The following HYOU1 variants were observed in gnomAD, a reference collection of about 807,000 sequenced individuals.
The protein encoded by HYOU1 is hypoxia up-regulated protein 1.
In HYOU1, 40 loss-of-function variants were observed where a neutral mutation model predicts 120.5. The ratio of observed to expected loss-of-function variants is 0.33; its 90% CI spans 0.26 to 0.43. The LOEUF is 0.43. HYOU1 is among the 20% of genes least tolerant of loss of function. The probability of loss-of-function intolerance (pLI) is 1.00; values close to 1 mark genes in which losing one functional copy is unlikely to be tolerated. For synonymous variants in HYOU1, 501 were observed against 479.4 expected (o/e 1.05, Z -0.59); for missense variants, 1,085 against 1,278.3 (o/e 0.85, Z 2.31).
Position 119,045,279 on chromosome 11 carries a change from G to C in HYOU1, c.*314C>G. 1.9e-6 allele frequency: 1 copy of C among 531,562 alleles called. No individual in the cohort carries two copies. Among genetic ancestry groups the C allele is most frequent in the South Asian group, 1.6e-5 (1 of 63,544 alleles). The allele number at this position is 531,562 out of a possible 1,614,324, so 32.9% of individuals were successfully genotyped here. ...CACCGGGACCCATCAGCCACTGGCA[G>C]CCATTCTCTTCCTACCCACAGGCAA... On this transcript the variant is annotated 3_prime_UTR_variant, in exon 26 of 26. Transcript: ENST00000617285.
In HYOU1 at chr11:119,048,109, T is replaced by G. The variant is rs1592136237; in HGVS notation, c.2377-29A>C. 1 of 1,613,400 alleles carries G rather than the reference T, an allele frequency of 6.2e-7. No homozygotes were observed. On this transcript the variant is annotated intron_variant, in intron 20 of 25. Transcript: ENST00000617285. The surrounding 1 kb of genome is among the most constrained non-coding windows in gnomAD (Gnocchi z 4.7). ...ATGGATGTGCGATTGGGCAGAGGGG[T>G]GGAAGGGACGACAGCAGAGCCTGGA...
Position 119,054,473 on chromosome 11 carries a change from G to C in HYOU1, c.678+21C>G, listed in dbSNP as rs2133605097. 5.0e-6 allele frequency: 8 copies of C among 1,612,414 alleles called. No homozygotes were observed. In the African/African-American group the frequency reaches 5.3e-5, roughly 11 times the overall value. ...TAGATTCAGTCACCCTGCATGTCTG[G>C]TCAAGGCTCCCCTGGCTCACCTGGG... On this transcript the variant is annotated intron_variant, in intron 7 of 25. Transcript: ENST00000617285.
Position 119,049,734 on chromosome 11 carries a change from A to G in HYOU1, c.1726+43T>C, listed in dbSNP as rs2133575074. ...CCCTGTCCACCTCCCCAACCTTCACACAAGTATATTCTCTCCCATACACAC... is the reference window on the plus strand; with the variant it reads ...CCCTGTCCACCTCCCCAACCTTCACGCAAGTATATTCTCTCCCATACACAC... On this transcript the variant is annotated intron_variant, in intron 15 of 25. Coordinates refer to ENST00000617285, the MANE Select transcript of HYOU1 (RefSeq NM_006389.5). 2.2e-5 allele frequency: 35 copies of G among 1,609,750 alleles called. No individual in the cohort carries two copies. In the South Asian group the frequency reaches 2.5e-4, roughly 12 times the overall value.
In HYOU1 at chr11:119,051,067, G is replaced by A. The variant is rs1348711553; in HGVS notation, c.1633C>T (p.Leu545=). 5 of 1,614,122 alleles carry A rather than the reference G, an allele frequency of 3.1e-6. No individual in the cohort carries two copies. The highest frequency in any genetic ancestry group is 4.2e-6 in the Non-Finnish European group (5 of 1,180,056). ...ESKGIKAHFN[L]DESGVLSLDR... ...AGACTGAGCACGCCACTCTCATCCA[G>A]GTTGAAGTGAGCCTTGATGCCCTTG... The change falls in exon 14 of 26, where the codon CTG becomes TTG. Residue 545 remains leucine, a synonymous_variant. Transcript: ENST00000617285. This position sits in a 1 kb window ranked among gnomAD's most constrained non-coding sequence, Gnocchi z 4.2.
Position 119,049,064 on chromosome 11 carries a change from C to T in HYOU1, c.1946G>A (p.Gly649Glu), listed in dbSNP as rs2133569361. 1.2e-6 allele frequency: 2 copies of T among 1,614,210 alleles called. No homozygotes were observed. The highest frequency in any genetic ancestry group is 1.7e-6 in the Non-Finnish European group (2 of 1,180,028). Residue 649 changes from glycine to glutamate, a missense_variant, in exon 17 of 26, where the codon GGA becomes GAA. By Grantham distance (98) the Gly-to-Glu change is moderately conservative (BLOSUM62 -2). Coordinates refer to ENST00000617285, the MANE Select transcript of HYOU1 (RefSeq NM_006389.5). ...PEPKGDATPEGEKATEKENGD... is the reference protein window; with the variant it reads ...PEPKGDATPEEEKATEKENGD... Reference sequence around the variant, plus strand: ...ATTTTCTTTTTCTGTGGCCTTTTCTCCCTCAGGGGTTGCATCTCCCTTAGG... The same window carrying T: ...ATTTTCTTTTTCTGTGGCCTTTTCTTCCTCAGGGGTTGCATCTCCCTTAGG...
At chr11:119,054,077 TG>T (rs2133602449) in intron 8 of HYOU1, 43 bp downstream of exon 8, 146 of 1,248,908 alleles carry the variant, frequency 1.2e-4, no homozygotes, top group Non-Finnish European at 1.6e-4. Flanking sequence ...ACCCCTGACT[TG>T]AGGGTCTTCA....
Position 119,052,479 on chromosome 11 carries a change from C to G in HYOU1, c.988-50G>C. The G allele has an allele frequency of 6.2e-7, 1 of 1,613,088 alleles. No individual in the cohort carries two copies. Among genetic ancestry groups the G allele is most frequent in the South Asian group, 1.1e-5 (1 of 90,996 alleles). ...GGGGTTCTTGCCCAGCTCCCGCTCT[C>G]TTGGTGAGTAGGACAGAAACAAAAA... On this transcript the variant is annotated intron_variant, in intron 9 of 25. Coordinates refer to ENST00000617285, the MANE Select transcript of HYOU1 (RefSeq NM_006389.5). This position sits in a 1 kb window ranked among gnomAD's most constrained non-coding sequence, Gnocchi z 5.0.
intron 25 of HYOU1, 22 bp downstream of exon 25, chr11:119,045,759 G>T (rs2133544444): frequency 1.2e-6 from 2 of 1,613,330 alleles, no homozygotes; most frequent in Non-Finnish European, 1.7e-6. Context: ...GCTTCCCACC[G>T]TAGCCCCGGC....
intron 1 of HYOU1, chr11:119,056,810 G>A (rs1944802692): frequency 5.7e-6 from 1 of 176,720 alleles, no homozygotes; most frequent in African/African-American, 2.4e-5. Flanking sequence ...CCCACCTGAC[G>A]AAGGCGGCGG....
intron 8 of HYOU1, 69 bp downstream of exon 8, chr11:119,054,052 C>G: frequency 1.1e-6 from 1 of 935,030 alleles, no homozygotes; most frequent in South Asian, 1.4e-5. Flanking sequence ...AGCAGTGTGT[C>G]TCCTCCAAGA....
chr11:119,049,741 T>C lies in HYOU1; in HGVS notation c.1726+36A>G, dbSNP rs2133575202. ...CACCTCCCCAACCTTCACACAAGTA[T>C]ATTCTCTCCCATACACACATGCATG... On this transcript the variant is annotated intron_variant, in intron 15 of 25. Coordinates refer to ENST00000617285, the MANE Select transcript of HYOU1 (RefSeq NM_006389.5). 1,372,092 of 1,610,102 alleles carry C rather than the reference T, an allele frequency of 0.85. 587,906 individuals are homozygous for C. Among genetic ancestry groups the C allele is most frequent in the African/African-American group, 0.96 (71,992 of 74,956 alleles).
chr11:119,048,070 T>C lies in HYOU1; in HGVS notation c.2387A>G (p.Glu796Gly), dbSNP rs1944190979. The change falls in exon 21 of 26, where the codon GAG (glutamate) becomes GGG (glycine). Residue 796 changes from glutamate (E) to glycine (G), a missense_variant. By Grantham distance (98) the Glu-to-Gly change is moderately conservative (BLOSUM62 -2). Around this residue, in one of 4 missense-constraint regions of HYOU1, gnomAD observed 516 missense variants for 517.1 expected, o/e 1.00. Coordinates refer to ENST00000617285, the MANE Select transcript of HYOU1 (RefSeq NM_006389.5). The surrounding 1 kb of genome is among the most constrained non-coding windows in gnomAD (Gnocchi z 4.7). ...GVGATTVMLK[E>G]KLAELRKLCQ... Reference sequence around the variant, plus strand: ...CAGCTTCCTCAGCTCAGCCAGCTTCTCCTTCAACATCTGATGGATGTGCGA... The same window carrying C: ...CAGCTTCCTCAGCTCAGCCAGCTTCCCCTTCAACATCTGATGGATGTGCGA... The C allele has an allele frequency of 1.2e-6, 2 of 1,614,066 alleles. No homozygotes were observed. Among genetic ancestry groups the C allele is most frequent in the Admixed American group, 3.3e-5 (2 of 60,008 alleles).
intron 6 of HYOU1, 61 bp downstream of exon 6, chr11:119,054,923 G>A: frequency 6.5e-7 from 1 of 1,534,060 alleles, no homozygotes; most frequent in Non-Finnish European, 8.9e-7. Flanking sequence ...GCCCCTGTTG[G>A]AGAATCACTG....
At chr11:119,054,906 C>A in intron 6 of HYOU1, 78 bp downstream of exon 6, 1 of 1,454,630 alleles carries the variant, frequency 6.9e-7, no homozygotes, top group Admixed American at 1.8e-5. Flanking sequence ...CCCTGGGAGG[C>A]AAACTTGCCC....
Position 119,052,334 on chromosome 11 carries a change from C to G in HYOU1, c.1083G>C (p.Gly361=). ...CACTCTGGAGGGCCTGCTGTACAGG[C>G]CCAGGCACCCGCTCAAACAAGTCTG... ...LCADLFERVP[G]PVQQALQSAE... Residue 361 remains glycine, a synonymous_variant, in exon 10 of 26, where the codon GGG becomes GGC. Coordinates refer to ENST00000617285, the MANE Select transcript of HYOU1 (RefSeq NM_006389.5). The surrounding 1 kb of genome is among the most constrained non-coding windows in gnomAD (Gnocchi z 5.0). 6.2e-7 allele frequency: 1 copy of G among 1,614,220 alleles called. No individual in the cohort carries two copies. The highest frequency in any genetic ancestry group is 1.1e-5 in the South Asian group (1 of 91,084).
At position 119,055,338 on chromosome 11, in the gene HYOU1, G is replaced by A. The variant is rs2133612470; in HGVS notation, c.266C>T (p.Ala89Val). ...TAGCGTAGCCTTTGGATTCTTAATC[G>A]CCTGAGGGGTGAAGAAGGAGCAGAC... ...RFFGDSAASM[A>V]IKNPKATLRY... Residue 89 changes from alanine to valine, a missense_variant and splice_region_variant, in exon 5 of 26, where the codon GCG becomes GTG. Physicochemically the swap from Ala to Val is moderately conservative, Grantham distance 64. Around this residue, in one of 4 missense-constraint regions of HYOU1, gnomAD observed 515 missense variants for 677.8 expected, o/e 0.76. Coordinates refer to ENST00000617285, the MANE Select transcript of HYOU1 (RefSeq NM_006389.5). This position sits in a 1 kb window ranked among gnomAD's most constrained non-coding sequence, Gnocchi z 4.0. The A allele has an allele frequency of 3.1e-6, 5 of 1,612,636 alleles. No homozygotes were observed. Among genetic ancestry groups the A allele is most frequent in the East Asian group, 2.2e-5 (1 of 44,874 alleles).
chr11:119,048,446 TG>T lies in HYOU1; in HGVS notation c.2253+29del, dbSNP rs2133564243. The stretch of plus-strand genomic sequence containing the variant: ...CCCACAGAGCCAGGTGTAAGCCCAG[TG>T]GGGGGGCTGCTGCCTCCTGCCCACT... On this transcript the variant is annotated intron_variant, in intron 19 of 25. Coordinates refer to ENST00000617285, the MANE Select transcript of HYOU1 (RefSeq NM_006389.5). The surrounding 1 kb of genome is among the most constrained non-coding windows in gnomAD (Gnocchi z 4.7). 2 of 1,612,650 alleles carry T rather than the reference TG, an allele frequency of 1.2e-6. No individual in the cohort carries two copies. The highest frequency in any genetic ancestry group is 1.3e-5 in the African/African-American group (1 of 74,882).
In HYOU1 at chr11:119,052,833, T is replaced by C. The variant is rs181906203; in HGVS notation, c.795-4A>G. On this transcript the variant is annotated splice_polypyrimidine_tract_variant and splice_region_variant and intron_variant, in intron 8 of 25. Transcript: ENST00000617285. This position sits in a 1 kb window ranked among gnomAD's most constrained non-coding sequence, Gnocchi z 5.0. ...GCCCCCCAGGGTACGGTCAAATCTG[T>C]TGAGAAAAGGGAGCAGGGAAAAAAG... 11 of 1,609,442 alleles carry C rather than the reference T, an allele frequency of 6.8e-6. No homozygotes were observed. The Admixed American group carries it at 8.5e-5, about 12-fold the overall frequency.
intron 16 of HYOU1, 39 bp downstream of exon 16, chr11:119,049,517 A>T: frequency 6.2e-7 from 1 of 1,605,846 alleles, no homozygotes; most frequent in African/African-American, 1.3e-5. Context: ...TGCATCCCCC[A>T]CCGTCCTCCA....
Sources: gnomAD v4.1 joint callset for allele counts on GRCh38, gnomAD v4.1.1 for gene constraint, gnomAD v4.1.1 regional missense constraint, Gnocchi (gnomAD v3.1) non-coding constraint, MANE v1.5 for transcripts, NCBI Gene and HGNC (gene_info 2026-07-23, HGNC 2026-07-21) for gene names.